DIAPH2: variants seen among roughly 807,000 people sequenced by gnomAD.
DIAPH2 encodes protein diaphanous homolog 2.
In DIAPH2, 35 loss-of-function variants were observed where a neutral mutation model predicts 92.7. The ratio of observed to expected loss-of-function variants is 0.38; its 90% confidence interval spans 0.29 to 0.50. DIAPH2 has a LOEUF of 0.50. DIAPH2 is among the 20% of genes least tolerant of loss of function. The pLI, the probability that DIAPH2 is intolerant of heterozygous loss-of-function variation, is 0.94. For synonymous variants in DIAPH2, 301 were observed against 280.4 expected, an observed-to-expected ratio of 1.07 and a Z score of -0.73; for missense variants, 701 against 819.5, an observed-to-expected ratio of 0.86 and a Z score of 1.77.
intron 24 of DIAPH2, among the ~76,000 whole-genome samples, chrX:97,367,490 A>G (rs749205526): frequency 1.8e-5 from 2 of 111,683 alleles, no homozygotes; most frequent in South Asian, 3.8e-4. Context: ...ATCCCATTCA[A>G]ACATGATCCA....
intron 26 of DIAPH2, among the ~76,000 whole-genome samples, chrX:97,575,036 G>A (rs1602677098): frequency 8.9e-6 from 1 of 112,409 alleles, no homozygotes; most frequent in African/African-American, 3.2e-5. Flanking sequence ...TTGAGCAACT[G>A]GATATGAGGA....
At chrX:97,172,761 A>G (rs145228707) in intron 22 of DIAPH2, among the ~76,000 whole-genome samples, 6,625 of 111,532 alleles carry the variant, frequency 0.059, 477 homozygotes, top group African/African-American at 0.21. Context: ...CTGCTATTTA[A>G]CAATCAAAAT....
At chrX:96,737,667 A>T (rs1294306449) in intron 2 of DIAPH2, among the ~76,000 whole-genome samples, 1 of 112,107 alleles carries the variant, frequency 8.9e-6, no homozygotes, top group East Asian at 2.8e-4. Context: ...AACTCACTTT[A>T]TGTGAAATAG....
At chrX:97,032,382 A>C (rs1479513346) in intron 17 of DIAPH2, among the ~76,000 whole-genome samples, 1 of 111,415 alleles carries the variant, frequency 9.0e-6, no homozygotes, top group African/African-American at 3.3e-5. Flanking sequence ...GAACTTGATA[A>C]GGGCTATTAT....
At chrX:97,267,524 C>G (rs1417787335) in intron 23 of DIAPH2, among the ~76,000 whole-genome samples, 1 of 111,396 alleles carries the variant, frequency 9.0e-6, no homozygotes, top group East Asian at 2.8e-4. Flanking sequence ...TAATGACAAT[C>G]CTTAGAAACA....
At chrX:97,027,446 A>C (rs976984020) in intron 17 of DIAPH2, among the ~76,000 whole-genome samples, 4 of 112,289 alleles carry the variant, frequency 3.6e-5, no homozygotes, top group Admixed American at 1.9e-4. Context: ...CCTTATACTA[A>C]GACATTCATC....
chrX:96,719,177 T>C (rs2063974246), intron 1 of DIAPH2, among the ~76,000 whole-genome samples: 4 of 112,379 alleles, frequency 3.6e-5, no homozygotes. Context: ...TATATTCTGG[T>C]TATTAATCCC....
intron 23 of DIAPH2, among the ~76,000 whole-genome samples, chrX:97,292,706 C>G (rs1247088134): frequency 9.1e-6 from 1 of 110,201 alleles, no homozygotes; most frequent in Non-Finnish European, 1.9e-5. Flanking sequence ...GCCACCATGC[C>G]CGGCTAATTT....
At chrX:97,345,633 G>A (rs1416657281) in intron 23 of DIAPH2, among the ~76,000 whole-genome samples, 1 of 111,947 alleles carries the variant, frequency 8.9e-6, no homozygotes, top group Non-Finnish European at 1.9e-5. Flanking sequence ...GCCCCAGACT[G>A]CACCATTATT....
chrX:96,940,495 A>G (rs2065697453), intron 12 of DIAPH2, among the ~76,000 whole-genome samples: 1 of 111,638 alleles, frequency 9.0e-6, no homozygotes, highest in Non-Finnish European at 1.9e-5. Flanking sequence ...GATTTGCGTG[A>G]AATTCTGACA....
In DIAPH2 at chrX:97,312,546, T is replaced by G. The variant is rs187107098; in HGVS notation, c.2845-35570T>G. ...TATATTTTTAGTAGAGACGGGGTTT[T>G]GCCATGCTGGCCAGGCTGGTCTTGA... On this transcript the variant is annotated intron_variant, in intron 23 of 26. Coordinates refer to ENST00000324765, the MANE Select transcript of DIAPH2 (RefSeq NM_006729.5). 3.0e-3 allele frequency among the ~76,000 whole-genome samples: 328 copies of G among 109,411 alleles called. 1 individual carries two copies. Among genetic ancestry groups the G allele is most frequent in the Non-Finnish European group, 5.1e-3 (269 of 52,650 alleles).
At chrX:97,292,809 A>G (rs1211659957) in intron 23 of DIAPH2, among the ~76,000 whole-genome samples, 1 of 111,794 alleles carries the variant, frequency 8.9e-6, no homozygotes, top group Non-Finnish European at 1.9e-5. Context: ...CTATTTTCAC[A>G]TTATATTTAA....
intron 26 of DIAPH2, among the ~76,000 whole-genome samples, chrX:97,533,588 G>A (rs1319243423): frequency 9.1e-6 from 1 of 110,492 alleles, no homozygotes; most frequent in African/African-American, 3.3e-5. Flanking sequence ...ATGTCTCTCT[G>A]TCCCTCACTG....
chrX:97,239,318 G>C (rs777110303), intron 22 of DIAPH2, among the ~76,000 whole-genome samples: 1 of 111,411 alleles, frequency 9.0e-6, no homozygotes, highest in African/African-American at 3.2e-5. Context: ...TTTTGAATGA[G>C]GATCAGGCCA....
intron 17 of DIAPH2, among the ~76,000 whole-genome samples, chrX:97,030,392 CT>C (rs938359484): frequency 4.5e-5 from 5 of 111,039 alleles, no homozygotes; most frequent in African/African-American, 9.8e-5. Flanking sequence ...CAGCTATTTT[CT>C]TTTTTTTCTA....
intron 17 of DIAPH2, among the ~76,000 whole-genome samples, chrX:96,989,934 G>C (rs1179374160): frequency 8.9e-6 from 1 of 112,104 alleles, no homozygotes; most frequent in Non-Finnish European, 1.9e-5. Context: ...AACATGTAGA[G>C]AGTCATGCAT....
At chrX:97,463,159 A>G (rs2070473795) in intron 26 of DIAPH2, among the ~76,000 whole-genome samples, 1 of 109,986 alleles carries the variant, frequency 9.1e-6, no homozygotes, top group African/African-American at 3.3e-5. Context: ...TGGGCCTTTA[A>G]TCTAGTGCTT....
chrX:97,578,277 G>C (rs1241853120), intron 26 of DIAPH2, among the ~76,000 whole-genome samples: 1 of 107,883 alleles, frequency 9.3e-6, no homozygotes, highest in African/African-American at 3.4e-5. Flanking sequence ...CCACTAACTC[G>C]TCATCTAGCA....
chrX:96,944,966 C>T (rs1466030041), intron 13 of DIAPH2, among the ~76,000 whole-genome samples: 1 of 110,856 alleles, frequency 9.0e-6, no homozygotes, highest in Non-Finnish European at 1.9e-5. Flanking sequence ...CAATATTGCC[C>T]AAAAGTTGTT....
Sources: gnomAD v4.1 joint callset for allele counts (sites outside exome capture counted in the v4.1 genomes callset) on GRCh38, gnomAD v4.1.1 for gene constraint, MANE v1.5 for transcripts, NCBI Gene and HGNC (gene_info 2026-07-23, HGNC 2026-07-21) for gene names.